The following GRID1 variants were observed in gnomAD, a reference collection of about 807,000 sequenced individuals.
GRID1 encodes the protein glutamate ionotropic receptor delta type subunit 1, also known as glutamate receptor ionotropic, delta-1.
GRID1 carries 28 observed loss-of-function variants against 98.0 expected under a neutral mutation model. That is an observed-to-expected ratio of 0.29 (90% CI 0.21 to 0.39). The LOEUF is 0.39. GRID1 is among the 10% of genes least tolerant of loss of function. The pLI, the probability that GRID1 is intolerant of heterozygous loss-of-function variation, is 1.00. For missense variants in GRID1, 1,111 were observed against 1,340.5 expected, an observed-to-expected ratio of 0.83 and a Z score of 2.67; for synonymous variants, 553 against 538.5, an observed-to-expected ratio of 1.03 and a Z score of -0.37.
chr10:86,298,540 T>C (rs1225685218), intron 2 of GRID1, among the ~76,000 whole-genome samples: 2 of 152,204 alleles, frequency 1.3e-5, no homozygotes, highest in Non-Finnish European at 2.9e-5. Flanking sequence ...GCCGTTCTTG[T>C]GAGGACTCAC....
intron 8 of GRID1, among the ~76,000 whole-genome samples, chr10:85,800,699 C>T (rs997537661): frequency 7.9e-5 from 12 of 151,944 alleles, no homozygotes; most frequent in African/African-American, 2.9e-4. Flanking sequence ...CAGAAATTAA[C>T]ACAATTATTT....
rs1841781315 is a variant in GRID1 at position 85,728,000 on chromosome 10, T to C, written c.1388A>G (p.Tyr463Cys). The C allele has an allele frequency of 6.2e-7, 1 of 1,613,980 alleles. No individual in the cohort carries two copies. Among genetic ancestry groups the C allele is most frequent in the Non-Finnish European group, 8.5e-7 (1 of 1,179,820 alleles). The change falls in exon 10 of 16, where the codon TAC becomes TGC. Residue 463 changes from tyrosine (Y) to cysteine (C), a missense_variant. By Grantham distance (194) the Tyr-to-Cys change is radical. This residue lies in a region of GRID1 where 762 missense variants were observed against 869.1 expected (regional missense o/e 0.88). Transcript: ENST00000327946. ...CAGGACATCTATGGAGAACCCTTTG[T>C]AGCGCTTGGGCTGTCCTAGGATGTT... Reference protein sequence around the residue: ...AENILGQPKRYKGFSIDVLDA... With the variant: ...AENILGQPKRCKGFSIDVLDA...
intron 8 of GRID1, among the ~76,000 whole-genome samples, chr10:85,778,103 A>G (rs1036683965): frequency 8.5e-5 from 13 of 152,184 alleles, no homozygotes; most frequent in African/African-American, 3.1e-4. Context: ...GCTGGAATCA[A>G]TGGGACTAGA....
At chr10:86,190,113 C>A (rs1845779950) in intron 3 of GRID1, among the ~76,000 whole-genome samples, 1 of 152,170 alleles carries the variant, frequency 6.6e-6, no homozygotes. Context: ...CACACCGTTA[C>A]CTTGAATATC....
At chr10:85,924,609 A>G (rs1482619234) in intron 4 of GRID1, among the ~76,000 whole-genome samples, 9 of 152,224 alleles carry the variant, frequency 5.9e-5, no homozygotes, top group Non-Finnish European at 1.0e-4. Flanking sequence ...TTAAAAAGAT[A>G]TTACTGAAAG....
At chr10:85,993,452 T>C (rs1404828716) in intron 4 of GRID1, among the ~76,000 whole-genome samples, 1 of 152,210 alleles carries the variant, frequency 6.6e-6, no homozygotes, top group Non-Finnish European at 1.5e-5. Context: ...AGCATGGACA[T>C]TTATATCAAT....
At chr10:86,122,323 T>C (rs1259220841) in intron 4 of GRID1, among the ~76,000 whole-genome samples, 16 of 152,232 alleles carry the variant, frequency 1.1e-4, no homozygotes, top group Non-Finnish European at 2.2e-4. Flanking sequence ...TACCACATGC[T>C]GAGCCAGGGA....
intron 3 of GRID1, among the ~76,000 whole-genome samples, chr10:86,152,409 C>T (rs1413317087): frequency 6.6e-6 from 1 of 152,248 alleles, no homozygotes; most frequent in East Asian, 1.9e-4. Context: ...CTGCCCACTG[C>T]CTCCTGTCTC....
chr10:85,623,975 A>T (rs1280647315), intron 13 of GRID1, among the ~76,000 whole-genome samples: 4 of 152,170 alleles, frequency 2.6e-5, no homozygotes, highest in Non-Finnish European at 5.9e-5. Context: ...GGTGTCCCAG[A>T]GTCCCTTGAC....
chr10:86,349,084 G>A (rs1215118406), intron 2 of GRID1, among the ~76,000 whole-genome samples: 2 of 152,202 alleles, frequency 1.3e-5, no homozygotes, highest in Admixed American at 1.3e-4. Context: ...AGGCACTGGT[G>A]GGAGCTGGTG....
intron 5 of GRID1, among the ~76,000 whole-genome samples, chr10:85,877,614 C>T (rs1840915646): frequency 6.6e-6 from 1 of 152,180 alleles, no homozygotes; most frequent in Admixed American, 6.5e-5. Flanking sequence ...ACCAAAAACC[C>T]ATCTGTACGT....
At chr10:86,348,786 G>A (rs1454526164) in intron 2 of GRID1, among the ~76,000 whole-genome samples, 2 of 152,234 alleles carry the variant, frequency 1.3e-5, no homozygotes, top group African/African-American at 2.4e-5. Flanking sequence ...CGATCAGTGC[G>A]TACTGAGACT....
At chr10:85,777,287 C>A (rs1307993846) in intron 8 of GRID1, among the ~76,000 whole-genome samples, 1 of 152,198 alleles carries the variant, frequency 6.6e-6, no homozygotes, top group Non-Finnish European at 1.5e-5. Context: ...CTCCTTTCTC[C>A]CAGCCTGTAA....
At chr10:86,215,124 G>A (rs1328516971) in intron 2 of GRID1, among the ~76,000 whole-genome samples, 1 of 152,220 alleles carries the variant, frequency 6.6e-6, no homozygotes, top group African/African-American at 2.4e-5. Flanking sequence ...ATGAGCCTGA[G>A]GCCTGGCTCA....
intron 6 of GRID1, among the ~76,000 whole-genome samples, chr10:85,864,722 G>T (rs1410858631): frequency 6.6e-6 from 1 of 152,148 alleles, no homozygotes; most frequent in Non-Finnish European, 1.5e-5. Context: ...AGGGAGAGGG[G>T]TTGAAATCCT....
At chr10:86,303,366 C>G (rs138226033) in intron 2 of GRID1, among the ~76,000 whole-genome samples, 32 of 152,256 alleles carry the variant, frequency 2.1e-4, no homozygotes, top group African/African-American at 7.2e-4. Flanking sequence ...AAGGAAAGAA[C>G]CTCTTACTTC....
At chr10:86,019,011 C>G (rs767533992) in intron 4 of GRID1, among the ~76,000 whole-genome samples, 5 of 152,210 alleles carry the variant, frequency 3.3e-5, no homozygotes, top group Non-Finnish European at 7.4e-5. Context: ...AGTCAGGACA[C>G]CTAACACTGG....
At chr10:86,105,982 T>C (rs751802623) in intron 4 of GRID1, among the ~76,000 whole-genome samples, 2 of 152,030 alleles carry the variant, frequency 1.3e-5, no homozygotes, top group Non-Finnish European at 2.9e-5. Flanking sequence ...TGAGAGAAGA[T>C]GTTGGAAAGG....
chr10:86,009,676 T>C (rs1334278744), intron 4 of GRID1, among the ~76,000 whole-genome samples: 1 of 152,228 alleles, frequency 6.6e-6, no homozygotes, highest in Non-Finnish European at 1.5e-5. Flanking sequence ...CAACACTGTT[T>C]ATGTTCTTTC....
Sources: gnomAD v4.1 joint callset for allele counts (sites outside exome capture counted in the v4.1 genomes callset) on GRCh38, gnomAD v4.1.1 for gene constraint, gnomAD v4.1.1 regional missense constraint, MANE v1.5 for transcripts, NCBI Gene and HGNC (gene_info 2026-07-23, HGNC 2026-07-21) for gene names.